RIMS1: variants seen among roughly 807,000 people sequenced by gnomAD.
RIMS1 encodes regulating synaptic membrane exocytosis 1.
RIMS1 carries 83 observed loss-of-function variants against 214.1 expected under a neutral mutation model. The observed-to-expected ratio is 0.39, with a 90% confidence interval of 0.32 to 0.47. The LOEUF is 0.47. Ranked by LOEUF, RIMS1 falls within the 20% of genes least tolerant of loss-of-function variation. The pLI is 0.99. For synonymous variants in RIMS1, 793 were observed against 786.8 expected (o/e 1.01, Z -0.13); for missense variants, 2,050 against 2,161.8 (o/e 0.95, Z 1.03).
chr6:72,338,169 G>A (rs1306595088), intron 29 of RIMS1, among the ~76,000 whole-genome samples: 1 of 151,748 alleles, frequency 6.6e-6, no homozygotes, highest in Non-Finnish European at 1.5e-5. Context: ...TCGCCACACT[G>A]ACTTCCACAA....
intron 1 of RIMS1, among the ~76,000 whole-genome samples, 164 bp downstream of exon 1, chr6:71,887,351 G>A (rs544619381): frequency 6.6e-6 from 1 of 152,322 alleles, no homozygotes; most frequent in Admixed American, 6.5e-5. Context: ...CTTGAGCAGG[G>A]AAGAGGTCAG....
intron 30 of RIMS1, among the ~76,000 whole-genome samples, chr6:72,391,352 C>CT (rs1344795955): frequency 0.036 from 4,835 of 134,408 alleles, 245 homozygotes; most frequent in African/African-American, 0.12. Context: ...GATTCTTTTT[C>CT]TTTTTTTTTT....
At chr6:72,014,720 T>TGA (rs1223585482) in intron 2 of RIMS1, among the ~76,000 whole-genome samples, 1 of 152,234 alleles carries the variant, frequency 6.6e-6, no homozygotes, top group Non-Finnish European at 1.5e-5. Context: ...AGGCTATGAA[T>TGA]GAGTTATCTA....
At chr6:71,963,914 G>A (rs902630091) in intron 1 of RIMS1, among the ~76,000 whole-genome samples, 3 of 152,058 alleles carry the variant, frequency 2.0e-5, no homozygotes, top group Admixed American at 1.3e-4. Flanking sequence ...ACAAATATGT[G>A]GTGAGTTGCT....
chr6:72,062,177 A>G (rs1436573858), intron 2 of RIMS1, among the ~76,000 whole-genome samples: 1 of 152,142 alleles, frequency 6.6e-6, no homozygotes, highest in African/African-American at 2.4e-5. Flanking sequence ...TTAATATTTT[A>G]TATTTTATTT....
At chr6:71,906,851 A>G (rs144948773) in intron 1 of RIMS1, among the ~76,000 whole-genome samples, 1 of 152,202 alleles carries the variant, frequency 6.6e-6, no homozygotes, top group African/African-American at 2.4e-5. Context: ...TGTGGGCAAC[A>G]TTAACAACTT....
At chr6:72,154,815 A>G (rs2044223518) in intron 4 of RIMS1, among the ~76,000 whole-genome samples, 1 of 140,724 alleles carries the variant, frequency 7.1e-6, no homozygotes, top group African/African-American at 2.5e-5. Flanking sequence ...GAAAAATGAG[A>G]ACATAGTGTT....
chr6:72,187,479 GTT>G (rs61420518), intron 6 of RIMS1, among the ~76,000 whole-genome samples: 1 of 125,602 alleles, frequency 8.0e-6, no homozygotes, highest in Non-Finnish European at 1.6e-5. Flanking sequence ...TATCCTTTTT[GTT>G]TTTTTTTTTT....
intron 2 of RIMS1, among the ~76,000 whole-genome samples, chr6:72,041,871 G>A (rs113635704): frequency 0.012 from 1,753 of 151,840 alleles, 9 homozygotes; most frequent in Non-Finnish European, 0.017. Flanking sequence ...TTAAGGAAAC[G>A]GAGACTTAAT....
At chr6:72,348,526 C>T in intron 29 of RIMS1, among the ~76,000 whole-genome samples, 1 of 151,870 alleles carries the variant, frequency 6.6e-6, no homozygotes, top group East Asian at 1.9e-4. Context: ...TACCTTATTG[C>T]TTTTAAATAT....
At chr6:72,220,604 T>TA (rs2058064158) in intron 6 of RIMS1, among the ~76,000 whole-genome samples, 2 of 152,012 alleles carry the variant, frequency 1.3e-5, no homozygotes, top group South Asian at 2.1e-4. Flanking sequence ...ACAACAACAA[T>TA]AAAAAACCTT....
chr6:72,320,571 G>A (rs1321340510), intron 28 of RIMS1, among the ~76,000 whole-genome samples: 1 of 152,006 alleles, frequency 6.6e-6, no homozygotes, highest in Non-Finnish European at 1.5e-5. Flanking sequence ...GAAGGATTAT[G>A]CAATGTATAG....
At chr6:71,918,133 G>A (rs933122011) in intron 1 of RIMS1, among the ~76,000 whole-genome samples, 1 of 152,084 alleles carries the variant, frequency 6.6e-6, no homozygotes, top group South Asian at 2.1e-4. Context: ...AGGAAGCCAC[G>A]GAACTTGAAT....
intron 2 of RIMS1, among the ~76,000 whole-genome samples, chr6:72,076,542 G>T (rs987533389): frequency 1.3e-5 from 2 of 152,228 alleles, no homozygotes; most frequent in East Asian, 3.9e-4. Context: ...CTCCACTGAG[G>T]GGTAGGGTTT....
rs554855969 is a variant in RIMS1, at chr6:72,198,960, A to C, written c.1678+15811A>C. Among the ~76,000 whole-genome samples, 3 of 152,216 alleles carry C rather than the reference A, an allele frequency of 2.0e-5. No individual in the cohort carries two copies. The East Asian group carries it at 5.8e-4, about 29-fold the overall frequency. On this transcript the variant is annotated intron_variant, in intron 6 of 33. Coordinates refer to ENST00000521978, the MANE Select transcript of RIMS1 (RefSeq NM_014989.7). The stretch of plus-strand genomic sequence containing the variant: ...CACCCAAGAAAACTGAATAATAATC[A>C]TGTAGTCAAGACAAATAATAAACAA...
At chr6:72,358,329 A>G (rs1404903035) in intron 29 of RIMS1, among the ~76,000 whole-genome samples, 8 of 152,168 alleles carry the variant, frequency 5.3e-5, no homozygotes, top group Admixed American at 2.0e-4. Context: ...AAACATTTCA[A>G]TGAGTATTTT....
At chr6:72,175,843 G>A (rs1054549776) in intron 4 of RIMS1, among the ~76,000 whole-genome samples, 1 of 152,006 alleles carries the variant, frequency 6.6e-6, no homozygotes, top group African/African-American at 2.4e-5. Flanking sequence ...CAAACTTGTG[G>A]TTTTATCTAT....
intron 4 of RIMS1, among the ~76,000 whole-genome samples, chr6:72,136,959 A>T (rs1015880801): frequency 6.6e-6 from 1 of 152,060 alleles, no homozygotes; most frequent in Non-Finnish European, 1.5e-5. Context: ...TGGGACACTA[A>T]CCGATTATCA....
chr6:71,998,201 A>C (rs1222172369), intron 2 of RIMS1, among the ~76,000 whole-genome samples: 1 of 152,040 alleles, frequency 6.6e-6, no homozygotes, highest in Non-Finnish European at 1.5e-5. Flanking sequence ...GATTTTCAAT[A>C]TTTTTGTTTC....
Sources: gnomAD v4.1 joint callset for allele counts (sites outside exome capture counted in the v4.1 genomes callset) on GRCh38, gnomAD v4.1.1 for gene constraint, MANE v1.5 for transcripts, NCBI Gene and HGNC (gene_info 2026-07-23, HGNC 2026-07-21) for gene names.